The following COL23A1 variants were observed in gnomAD, a reference collection of about 807,000 sequenced individuals.
COL23A1 encodes collagen type XXIII alpha 1 chain.
COL23A1 carries 97 observed loss-of-function variants against 99.3 expected under a neutral mutation model. That is an observed-to-expected ratio of 0.98 (90% confidence interval 0.83 to 1.16). COL23A1 has a LOEUF of 1.16. Ranked by LOEUF, COL23A1 falls within the 50% of genes most tolerant of loss-of-function variation. The pLI, the probability that COL23A1 is intolerant of heterozygous loss-of-function variation, is 0.00. For missense variants in COL23A1, 762 were observed against 757.4 expected (o/e 1.01, Z -0.07); for synonymous variants, 320 against 308.2 (o/e 1.04, Z -0.40).
At position 178,493,254 on chromosome 5, in the gene COL23A1, A is replaced by G. The variant is rs1405046010; in HGVS notation, c.361+67428T>C. On this transcript the variant is annotated intron_variant, in intron 2 of 28. Coordinates refer to ENST00000390654, the MANE Select transcript of COL23A1 (RefSeq NM_173465.4). ...TTCCCCAGGCCATACACCATTCCTTATCTATCTGTGGGCCCAGCCCACACT... is the reference window on the plus strand; with the variant it reads ...TTCCCCAGGCCATACACCATTCCTTGTCTATCTGTGGGCCCAGCCCACACT... 2.6e-5 allele frequency among the ~76,000 whole-genome samples: 4 copies of G among 152,214 alleles called. No homozygotes were observed. The East Asian group carries it at 7.8e-4, about 30-fold the overall frequency.
intron 1 of COL23A1, among the ~76,000 whole-genome samples, chr5:178,567,155 A>ATGTGCATATC (rs1218074702): frequency 6.6e-6 from 1 of 152,246 alleles, no homozygotes; most frequent in Non-Finnish European, 1.5e-5. Flanking sequence ...CATCACAGAT[A>ATGTGCATATC]TGTGCATATA....
chr5:178,578,560 A>C (rs1763509738), intron 1 of COL23A1, among the ~76,000 whole-genome samples: 1 of 152,168 alleles, frequency 6.6e-6, no homozygotes, highest in African/African-American at 2.4e-5. Flanking sequence ...TGTCTTTTCA[A>C]ATACATTCTA....
chr5:178,470,645 T>C (rs1756691920), intron 2 of COL23A1, among the ~76,000 whole-genome samples: 1 of 152,136 alleles, frequency 6.6e-6, no homozygotes, highest in Non-Finnish European at 1.5e-5. Context: ...GACGAGGCCA[T>C]GGGGGAAACA....
In COL23A1 at chr5:178,313,359, G is replaced by C. The variant is rs775737451; in HGVS notation, c.362-6440C>G. Reference sequence around the variant, plus strand: ...GTTAAGACGGGAAATGTTATGGTATGTGTATTTTATCACAATTAAAGAAAA... The same window carrying C: ...GTTAAGACGGGAAATGTTATGGTATCTGTATTTTATCACAATTAAAGAAAA... On this transcript the variant is annotated intron_variant, in intron 2 of 28. Transcript: ENST00000390654. The surrounding 1 kb of genome is among the most constrained non-coding windows in gnomAD (Gnocchi z 4.2). Among the ~76,000 whole-genome samples, 2 of 152,230 alleles carry C rather than the reference G, an allele frequency of 1.3e-5. No individual in the cohort carries two copies. Among genetic ancestry groups the C allele is most frequent in the Non-Finnish European group, 2.9e-5 (2 of 68,034 alleles).
rs371208374 is a variant in COL23A1, at chr5:178,363,754, C to T, written c.362-56835G>A. ...ACTGGCTCACTGCGCTAGAGTTTCCCGAATCCATCCCTCTGGAAACTGGCA... is the reference window on the plus strand; with the variant it reads ...ACTGGCTCACTGCGCTAGAGTTTCCTGAATCCATCCCTCTGGAAACTGGCA... On this transcript the variant is annotated intron_variant, in intron 2 of 28. Coordinates refer to ENST00000390654, the MANE Select transcript of COL23A1 (RefSeq NM_173465.4). Among the ~76,000 whole-genome samples, 42 of 152,326 alleles carry T rather than the reference C, an allele frequency of 2.8e-4. No homozygotes were observed. The East Asian group carries it at 3.7e-3, about 13-fold the overall frequency.
At chr5:178,274,731 C>T (rs1756491600) in intron 5 of COL23A1, among the ~76,000 whole-genome samples, 1 of 152,220 alleles carries the variant, frequency 6.6e-6, no homozygotes, top group Admixed American at 6.5e-5. Flanking sequence ...AGAGCGAAGG[C>T]CAGGGCTCAG....
chr5:178,376,667 G>C (rs1156857917), intron 2 of COL23A1, among the ~76,000 whole-genome samples: 1 of 152,222 alleles, frequency 6.6e-6, no homozygotes, highest in Non-Finnish European at 1.5e-5. Flanking sequence ...TGAAAGGTGA[G>C]GGAACATGCC....
At position 178,306,360 on chromosome 5, in the gene COL23A1, G is replaced by C; in HGVS notation, c.406+515C>G. On this transcript the variant is annotated intron_variant, in intron 3 of 28. Transcript: ENST00000390654. This position sits in a 1 kb window ranked among gnomAD's most constrained non-coding sequence, Gnocchi z 4.1. ...GGGCAATCTGCTGGGGACTGGGTAG[G>C]GGGAGTTCTGGGTGAAGCAGAGACA... Among the ~76,000 whole-genome samples the C allele has an allele frequency of 6.6e-6, 1 of 151,950 alleles. No homozygotes were observed. Among genetic ancestry groups the C allele is most frequent in the Non-Finnish European group, 1.5e-5 (1 of 67,966 alleles).
At chr5:178,417,548 C>G (rs912349918) in intron 2 of COL23A1, among the ~76,000 whole-genome samples, 1 of 152,202 alleles carries the variant, frequency 6.6e-6, no homozygotes, top group African/African-American at 2.4e-5. Flanking sequence ...TTCCATCCCC[C>G]ATTCCCCCAG....
chr5:178,456,793 T>C (rs1767822663), intron 2 of COL23A1, among the ~76,000 whole-genome samples: 1 of 152,196 alleles, frequency 6.6e-6, no homozygotes, highest in Non-Finnish European at 1.5e-5. Flanking sequence ...AGAAAAATTT[T>C]TGCAACAAAC....
At chr5:178,273,328 G>A (rs1756401119) in intron 5 of COL23A1, among the ~76,000 whole-genome samples, 1 of 152,240 alleles carries the variant, frequency 6.6e-6, no homozygotes, top group African/African-American at 2.4e-5. Flanking sequence ...GCTGGACGCT[G>A]CCCTCTGTCA....
chr5:178,345,317 T>A, intron 2 of COL23A1: 73 of 410,508 alleles, frequency 1.8e-4, no homozygotes, highest in South Asian at 2.2e-4. Context: ...TTGGAGCAAT[T>A]CGGAAGAGAA....
intron 22 of COL23A1, among the ~76,000 whole-genome samples, 187 bp downstream of exon 22, chr5:178,247,339 G>C (rs1317185993): frequency 6.6e-6 from 1 of 152,138 alleles, no homozygotes; most frequent in Admixed American, 6.5e-5. Context: ...AGGGTGGAGA[G>C]GGGGGCATTG....
At chr5:178,369,748 C>T (rs1459622961) in intron 2 of COL23A1, among the ~76,000 whole-genome samples, 3 of 151,998 alleles carry the variant, frequency 2.0e-5, no homozygotes, top group African/African-American at 4.8e-5. Context: ...TTGTAAGGCC[C>T]CCCCAGCCAG....
rs1010310701 is a variant in COL23A1, at chr5:178,340,213, C to G, written c.362-33294G>C. On this transcript the variant is annotated intron_variant, in intron 2 of 28. Coordinates refer to ENST00000390654, the MANE Select transcript of COL23A1 (RefSeq NM_173465.4). This position sits in a 1 kb window ranked among gnomAD's most constrained non-coding sequence, Gnocchi z 4.7. ...CCTATGAAAGTTCCTAGGCAGGGAG[C>G]CTGCTGCAGGGATGGGCCTGGCTGA... Among the ~76,000 whole-genome samples, 1 of 152,176 alleles carries G rather than the reference C, an allele frequency of 6.6e-6. No homozygotes were observed. The highest frequency in any genetic ancestry group is 2.1e-4 in the South Asian group (1 of 4,824).
chr5:178,491,569 C>T (rs1188190623), intron 2 of COL23A1, among the ~76,000 whole-genome samples: 1 of 152,004 alleles, frequency 6.6e-6, no homozygotes, highest in Non-Finnish European at 1.5e-5. Flanking sequence ...AGGATGAAAA[C>T]TGAAATGTGG....
intron 7 of COL23A1, among the ~76,000 whole-genome samples, chr5:178,268,093 C>T (rs1756007293): frequency 6.6e-6 from 1 of 152,258 alleles, no homozygotes; most frequent in Non-Finnish European, 1.5e-5. Context: ...TGCGGAATCA[C>T]AGCAGGGCCC....
intron 2 of COL23A1, among the ~76,000 whole-genome samples, chr5:178,509,248 G>GAAAA (rs1470312090): frequency 1.4e-5 from 2 of 146,290 alleles, no homozygotes; most frequent in Non-Finnish European, 3.0e-5. Flanking sequence ...TCGAGACAGA[G>GAAAA]TCTCACTCTG....
At chr5:178,292,256 C>G (rs987450512) in intron 3 of COL23A1, among the ~76,000 whole-genome samples, 4 of 152,184 alleles carry the variant, frequency 2.6e-5, no homozygotes, top group African/African-American at 4.8e-5. Flanking sequence ...CCCTCCTCTC[C>G]ATGCCTTCAG....
Sources: allele counts gnomAD v4.1 joint callset (sites outside exome capture counted in the v4.1 genomes callset), GRCh38; gene constraint gnomAD v4.1.1; non-coding constraint Gnocchi (gnomAD v3.1); transcripts MANE v1.5; gene names NCBI Gene and HGNC (gene_info 2026-07-23, HGNC 2026-07-21).